Variants in NF1 observed in about 807,000 individuals in gnomAD.
NF1 encodes the protein neurofibromin 1.
NF1 carries 122 observed loss-of-function variants against 325.7 expected under a neutral mutation model. That is an observed-to-expected ratio of 0.37 (90% CI 0.32 to 0.44). The LOEUF is 0.44. Ranked by LOEUF, NF1 falls within the 20% of genes least tolerant of loss-of-function variation. NF1 has a pLI of 1.00. For missense variants in NF1, 2,140 were observed against 3,415.4 expected (o/e 0.63, Z 9.31); for synonymous variants, 1,091 against 1,186.0 (o/e 0.92, Z 1.65).
At chr17:31,109,891 G>T (rs1028486172) in intron 1 of NF1, among the ~76,000 whole-genome samples, 4 of 151,964 alleles carry the variant, frequency 2.6e-5, no homozygotes, top group Admixed American at 6.6e-5. Context: ...TAACTCTTCT[G>T]TTAATTTATC....
chr17:31,117,340 A>T (rs543067039), intron 1 of NF1, among the ~76,000 whole-genome samples: 58 of 151,554 alleles, frequency 3.8e-4, no homozygotes, highest in African/African-American at 1.2e-3. Context: ...AAAGACAAGC[A>T]TTTTTCCTTT....
At chr17:31,219,270 C>T in intron 14 of NF1, 152 bp downstream of exon 14, 2 of 737,410 alleles carry the variant, frequency 2.7e-6, no homozygotes, top group Non-Finnish European at 2.2e-6. Context: ...TATAAAACTC[C>T]ATGGAGAAAG....
At chr17:31,119,082 C>T (rs1168697952) in intron 1 of NF1, among the ~76,000 whole-genome samples, 2 of 152,108 alleles carry the variant, frequency 1.3e-5, no homozygotes, top group African/African-American at 4.8e-5. Flanking sequence ...GCTGGGATTA[C>T]AGGTGTGTGC....
chr17:31,195,499 A>G (rs979925131), intron 8 of NF1, among the ~76,000 whole-genome samples: 3 of 152,112 alleles, frequency 2.0e-5, no homozygotes, highest in African/African-American at 4.8e-5. Context: ...TTCATCTTCC[A>G]AAACAAATTC....
intron 43 of NF1, 70 bp from the exon 44 acceptor site, chr17:31,337,746 CATA>C: frequency 6.6e-7 from 1 of 1,515,166 alleles, no homozygotes; most frequent in Middle Eastern, 1.7e-4. Context: ...TTAATGACAT[CATA>C]ATAAACATTA....
At chr17:31,300,547 C>T (rs988350318) in intron 36 of NF1, among the ~76,000 whole-genome samples, 2 of 152,034 alleles carry the variant, frequency 1.3e-5, no homozygotes, top group East Asian at 3.9e-4. Flanking sequence ...TTCAACCAGT[C>T]CCCTATTGGT....
At position 31,242,305 on chromosome 17, in the gene NF1, C is replaced by CTTTTTTTTTTTT. The variant is rs200376987; in HGVS notation, c.3974+6300_3974+6311dup. The stretch of plus-strand genomic sequence containing the variant: ...TCTTTCCCTAGGTTTCATAAGTTCT[C>CTTTTTTTTTTTT]TTTTTTTTTTTTTTTTTTTTTTTTT... On this transcript the variant is annotated intron_variant, in intron 29 of 57. Transcript: ENST00000358273. Among the ~76,000 whole-genome samples the CTTTTTTTTTTTT allele has an allele frequency of 1.3e-4, 9 of 68,860 alleles. 2 individuals carry two copies. The highest frequency in any genetic ancestry group is 3.1e-4 in the African/African-American group (5 of 16,008). 45.2% of individuals were successfully genotyped at this position (68,860 alleles called of 152,430 possible). A position where few individuals can be genotyped will look rare whatever the true frequency, so the allele number is the denominator to read the frequency against.
intron 11 of NF1, among the ~76,000 whole-genome samples, chr17:31,203,479 G>C (rs776970433): frequency 6.6e-6 from 1 of 152,060 alleles, no homozygotes; most frequent in African/African-American, 2.4e-5. Flanking sequence ...TTTCTCGTTA[G>C]GATATTTTCC....
At chr17:31,366,180 A>C (rs951106550) in intron 57 of NF1, among the ~76,000 whole-genome samples, 2 of 151,346 alleles carry the variant, frequency 1.3e-5, no homozygotes, top group African/African-American at 4.9e-5. Flanking sequence ...TGATCCTCCC[A>C]CCTCCACCTC....
At chr17:31,362,821 C>A (rs898127295) in intron 57 of NF1, among the ~76,000 whole-genome samples, 3 of 152,080 alleles carry the variant, frequency 2.0e-5, no homozygotes, top group African/African-American at 7.3e-5. Context: ...CTAATGGAGA[C>A]AATAAAATAA....
At chr17:31,223,837 T>C (rs1276755557) in intron 16 of NF1, among the ~76,000 whole-genome samples, 2 of 152,116 alleles carry the variant, frequency 1.3e-5, no homozygotes, top group African/African-American at 4.8e-5. Flanking sequence ...CTAGGAAAAG[T>C]GGGGGCTGCT....
intron 8 of NF1, among the ~76,000 whole-genome samples, chr17:31,197,016 T>C (rs577644135): frequency 6.6e-6 from 1 of 152,260 alleles, no homozygotes; most frequent in East Asian, 1.9e-4. Flanking sequence ...ATGCGGCTCT[T>C]TGAGATTCCA....
chr17:31,230,138 A>G, intron 22 of NF1, 122 bp from the exon 23 acceptor site: 2 of 1,418,860 alleles, frequency 1.4e-6, no homozygotes, highest in East Asian at 2.4e-5. Flanking sequence ...TCTTTTCTAA[A>G]TAAATATCTT....
Position 31,334,921 on chromosome 17 carries a change from G to A in NF1, c.5896G>A (p.Ala1966Thr), listed in dbSNP as rs146725294. The A allele has an allele frequency of 1.2e-6, 2 of 1,613,608 alleles. No homozygotes were observed. Among genetic ancestry groups the A allele is most frequent in the African/African-American group, 2.7e-5 (2 of 74,828 alleles). The part of the protein sequence containing the change: ...LVRFCKHNDD[A>T]KRQRVTAILD... Reference sequence around the variant, plus strand: ...TCGTTTTTGCAAGCATAATGATGATGCCAAACGACAAAGAGTTACTGCTAT... The same window carrying A: ...TCGTTTTTGCAAGCATAATGATGATACCAAACGACAAAGAGTTACTGCTAT... The change falls in exon 40 of 58, where the codon GCC becomes ACC. Residue 1966 changes from alanine to threonine, a missense_variant. By Grantham distance (58) the Ala-to-Thr change is moderately conservative. Around this residue, in one of 10 missense-constraint regions of NF1, gnomAD observed 180 missense variants for 435.1 expected, o/e 0.41. Coordinates refer to ENST00000358273, the MANE Select transcript of NF1 (RefSeq NM_001042492.3).
At position 31,229,359 on chromosome 17, in the gene NF1, C is replaced by A; in HGVS notation, c.2744C>A (p.Thr915Asn). Reference sequence around the variant, plus strand: ...GAGAAAGTGGGACTTCAAATACGGACCAATGTTAAGGATCTGGTGGGTCTA... The same window carrying A: ...GAGAAAGTGGGACTTCAAATACGGAACAATGTTAAGGATCTGGTGGGTCTA... Reference protein sequence around the residue: ...NHEKVGLQIRTNVKDLVGLEL... With the variant: ...NHEKVGLQIRNNVKDLVGLEL... Residue 915 changes from threonine (T) to asparagine (N), a missense_variant, in exon 21 of 58, where the codon ACC becomes AAC. By Grantham distance (65) the Thr-to-Asn change is moderately conservative. This residue lies in a region of NF1 where 380 missense variants were observed against 639.3 expected (regional missense o/e 0.59). Transcript: ENST00000358273. 6.2e-7 allele frequency: 1 copy of A among 1,613,872 alleles called. No homozygotes were observed. The highest frequency in any genetic ancestry group is 8.5e-7 in the Non-Finnish European group (1 of 1,179,818).
At chr17:31,361,081 C>CAAAAAAAAAAAAAAAAAAAAAAAA (rs60249232) in intron 57 of NF1, 2 of 46,544 alleles carry the variant, frequency 4.3e-5, no homozygotes, top group East Asian at 8.4e-4. Flanking sequence ...CATACTATAT[C>CAAAAAAAAAAAAAAAAAAAAAAAA]AAAAAAAAAA....
intron 1 of NF1, among the ~76,000 whole-genome samples, chr17:31,144,901 A>G (rs1916483550): frequency 6.6e-6 from 1 of 152,260 alleles, no homozygotes; most frequent in Non-Finnish European, 1.5e-5. Context: ...ATTGCGGGAA[A>G]GCATGTGGGA....
At chr17:31,345,393 G>A (rs1597853779) in intron 48 of NF1, 4 of 1,232,300 alleles carry the variant, frequency 3.2e-6, no homozygotes, top group African/African-American at 1.5e-5. Context: ...CTGTAGGGGC[G>A]GCCGGCGAGT....
intron 36 of NF1, among the ~76,000 whole-genome samples, chr17:31,307,441 A>G (rs1308262669): frequency 3.9e-5 from 6 of 152,220 alleles, no homozygotes; most frequent in Non-Finnish European, 5.9e-5. Flanking sequence ...GTCTATAAAA[A>G]CTAATTAAGT....
Sources: allele counts gnomAD v4.1 joint callset (sites outside exome capture counted in the v4.1 genomes callset), GRCh38; gene constraint gnomAD v4.1.1; regional missense constraint gnomAD v4.1.1; transcripts MANE v1.5; gene names NCBI Gene and HGNC (gene_info 2026-07-23, HGNC 2026-07-21).